The following PTPRD variants were observed in gnomAD, a reference collection of about 807,000 sequenced individuals.
PTPRD encodes protein tyrosine phosphatase receptor type D.
A neutral mutation model predicts 214.5 loss-of-function variants in PTPRD; 34 were observed. The observed-to-expected ratio is 0.16, with a 90% confidence interval of 0.12 to 0.21. The LOEUF (loss-of-function observed/expected upper bound fraction) is 0.21. Ranked by LOEUF, PTPRD falls within the 10% of genes least tolerant of loss-of-function variation. The pLI, the probability that PTPRD is intolerant of heterozygous loss-of-function variation, is 1.00. For missense variants in PTPRD, 2,545 were observed against 2,398.7 expected (o/e 1.06, Z -1.27); for synonymous variants, 1,128 against 845.7 (o/e 1.33, Z -5.79).
At chr9:9,121,180 T>C (rs982749830) in intron 10 of PTPRD, among the ~76,000 whole-genome samples, 20 of 152,312 alleles carry the variant, frequency 1.3e-4, no homozygotes, top group African/African-American at 3.1e-4. Context: ...CAACTATTTA[T>C]GGAAATGTGA....
At chr9:9,162,241 A>G (rs994796940) in intron 10 of PTPRD, among the ~76,000 whole-genome samples, 2 of 152,126 alleles carry the variant, frequency 1.3e-5, no homozygotes, top group Admixed American at 6.6e-5. Context: ...GTGCCAATAT[A>G]CATTCATGAT....
At chr9:9,701,501 A>G (rs930507697) in intron 7 of PTPRD, among the ~76,000 whole-genome samples, 9 of 152,178 alleles carry the variant, frequency 5.9e-5, no homozygotes, top group Non-Finnish European at 1.2e-4. Context: ...TCACAGTCAA[A>G]TTAGCAACAA....
intron 9 of PTPRD, among the ~76,000 whole-genome samples, chr9:9,269,080 G>C (rs1010306045): frequency 6.6e-6 from 1 of 150,622 alleles, no homozygotes; most frequent in Non-Finnish European, 1.5e-5. Flanking sequence ...GGAAATCTAC[G>C]GAATGGGAAA....
intron 11 of PTPRD, among the ~76,000 whole-genome samples, chr9:8,904,597 G>A (rs981935068): frequency 2.0e-5 from 3 of 151,492 alleles, no homozygotes; most frequent in African/African-American, 7.3e-5. Flanking sequence ...GCTTGAACCC[G>A]GGAGGCAAAA....
At chr9:8,492,353 A>G (rs1343802788) in intron 27 of PTPRD, among the ~76,000 whole-genome samples, 4 of 152,072 alleles carry the variant, frequency 2.6e-5, no homozygotes, top group African/African-American at 9.7e-5. Context: ...TTGATCCTTC[A>G]CGTCATTTGA....
intron 5 of PTPRD, among the ~76,000 whole-genome samples, chr9:9,839,239 T>A (rs1239284462): frequency 6.6e-6 from 1 of 152,060 alleles, no homozygotes; most frequent in Non-Finnish European, 1.5e-5. Flanking sequence ...GGGTATTCAA[T>A]TAGGAAAAGA....
intron 4 of PTPRD, among the ~76,000 whole-genome samples, chr9:9,981,773 T>C (rs1238218397): frequency 6.6e-6 from 1 of 152,178 alleles, no homozygotes; most frequent in African/African-American, 2.4e-5. Flanking sequence ...AGGCGCTTTT[T>C]GACTCGTATC....
chr9:9,548,457 GA>G (rs2079368536), intron 8 of PTPRD, among the ~76,000 whole-genome samples: 1 of 145,008 alleles, frequency 6.9e-6, no homozygotes, highest in Admixed American at 7.0e-5. Flanking sequence ...ATCCAGGCTG[GA>G]GGGCAGTGAC....
chr9:9,109,563 T>C (rs1345118695), intron 10 of PTPRD, among the ~76,000 whole-genome samples: 1 of 152,092 alleles, frequency 6.6e-6, no homozygotes, highest in Admixed American at 6.6e-5. Context: ...AATATAATTG[T>C]TAATACTAAT....
intron 7 of PTPRD, among the ~76,000 whole-genome samples, chr9:9,596,696 T>C (rs1037923790): frequency 1.3e-5 from 2 of 152,056 alleles, no homozygotes; most frequent in African/African-American, 4.8e-5. Context: ...AATCAGTCCA[T>C]ATCCTTCTGG....
chr9:10,481,919 G>C (rs1474152619), intron 2 of PTPRD, among the ~76,000 whole-genome samples: 1 of 151,970 alleles, frequency 6.6e-6, no homozygotes, highest in Non-Finnish European at 1.5e-5. Flanking sequence ...TAAAATATAA[G>C]CTTAATTTTT....
At chr9:10,124,330 A>G (rs2098799178) in intron 3 of PTPRD, among the ~76,000 whole-genome samples, 1 of 152,222 alleles carries the variant, frequency 6.6e-6, no homozygotes, top group Non-Finnish European at 1.5e-5. Flanking sequence ...TTCCCAACAC[A>G]TTAATACTTT....
intron 11 of PTPRD, among the ~76,000 whole-genome samples, chr9:8,798,475 T>C (rs1252406194): frequency 6.6e-6 from 1 of 152,156 alleles, no homozygotes; most frequent in Non-Finnish European, 1.5e-5. Context: ...GTTCTGATAT[T>C]TACTCACAGG....
intron 8 of PTPRD, among the ~76,000 whole-genome samples, chr9:9,464,398 G>A (rs1156438487): frequency 6.6e-6 from 1 of 152,076 alleles, no homozygotes; most frequent in East Asian, 1.9e-4. Flanking sequence ...ATTTAGATTT[G>A]TATAGTTACT....
chr9:9,367,768 G>C (rs1378949449), intron 9 of PTPRD, among the ~76,000 whole-genome samples: 1 of 151,658 alleles, frequency 6.6e-6, no homozygotes, highest in South Asian at 2.1e-4. Flanking sequence ...ATGCTAACTC[G>C]AATTTGCAAA....
intron 7 of PTPRD, among the ~76,000 whole-genome samples, chr9:9,730,826 A>G (rs2098176867): frequency 6.6e-6 from 1 of 152,144 alleles, no homozygotes; most frequent in Non-Finnish European, 1.5e-5. Flanking sequence ...TGAGACTGGA[A>G]GCATGAAATG....
chr9:9,084,293 A>G (rs55844818), intron 10 of PTPRD, among the ~76,000 whole-genome samples: 3 of 152,146 alleles, frequency 2.0e-5, no homozygotes, highest in Admixed American at 2.0e-4. Context: ...TCAGCAAACT[A>G]ATACAGGAAC....
intron 2 of PTPRD, among the ~76,000 whole-genome samples, chr9:10,460,497 C>G (rs573765169): frequency 6.6e-6 from 1 of 150,550 alleles, no homozygotes; most frequent in East Asian, 2.0e-4. Context: ...CTATAGCAAT[C>G]AAAAGAATGT....
At chr9:8,754,462 T>G (rs2093807969) in intron 11 of PTPRD, among the ~76,000 whole-genome samples, 1 of 152,140 alleles carries the variant, frequency 6.6e-6, no homozygotes, top group Non-Finnish European at 1.5e-5. Flanking sequence ...ATATGTACTC[T>G]CAGATGATTT....
Sources: gnomAD v4.1 joint callset for allele counts (sites outside exome capture counted in the v4.1 genomes callset) on GRCh38, gnomAD v4.1.1 for gene constraint, MANE v1.5 for transcripts, NCBI Gene and HGNC (gene_info 2026-07-23, HGNC 2026-07-21) for gene names.